Variants in SMC6 observed in about 807,000 individuals in gnomAD.
SMC6 encodes the protein structural maintenance of chromosomes protein 6.
SMC6 carries 79 observed loss-of-function variants against 142.2 expected under a neutral mutation model. That is an observed-to-expected ratio of 0.56 (90% confidence interval 0.46 to 0.67). SMC6 has a LOEUF of 0.67. Ranked by LOEUF, SMC6 falls within the 30% of genes least tolerant of loss-of-function variation. The probability of loss-of-function intolerance (pLI) is 0.00; values close to 1 mark genes in which losing one functional copy is unlikely to be tolerated. For synonymous variants in SMC6, 411 were observed against 412.4 expected (o/e 1.00, Z 0.04); for missense variants, 1,072 against 1,284.0 (o/e 0.83, Z 2.52).
chr2:17,710,415 T>C (rs1399447154), intron 16 of SMC6, among the ~76,000 whole-genome samples: 3 of 152,230 alleles, frequency 2.0e-5, no homozygotes, highest in African/African-American at 7.2e-5. Flanking sequence ...GTATATTATA[T>C]TATAGAGTTC....
chr2:17,666,586 TGGGC>T, intron 26 of SMC6, 69 bp from the exon 27 acceptor site: 1 of 1,143,020 alleles, frequency 8.7e-7, no homozygotes, highest in Non-Finnish European at 1.3e-6. Context: ...CAGCATTCTG[TGGGC>T]TGATACAAGC....
Position 17,745,960 on chromosome 2 carries a change from ATATT to A in SMC6, c.-5-13_-5-10del. 6.3e-7 allele frequency: 1 copy of A among 1,584,452 alleles called. No individual in the cohort carries two copies. ...TCTTTTGGCCATCAGGTCTGAACAA[ATATT>A]TATAGTAACAATGAGGTAAATCAAG... On this transcript the variant is annotated splice_polypyrimidine_tract_variant and intron_variant, in intron 2 of 27. Transcript: ENST00000448223.
intron 3 of SMC6, among the ~76,000 whole-genome samples, chr2:17,742,530 T>C (rs1670523771): frequency 1.3e-5 from 2 of 152,178 alleles, no homozygotes; most frequent in Admixed American, 1.3e-4. Flanking sequence ...CACTTTGTAG[T>C]TATCTAAGTA....
intron 7 of SMC6, 138 bp downstream of exon 7, chr2:17,730,940 T>C (rs1572343244): frequency 7.3e-6 from 5 of 685,782 alleles, no homozygotes; most frequent in Admixed American, 5.6e-5. Context: ...AACAACTTCA[T>C]TGATAATAGT....
chr2:17,748,247 C>G (rs927774430), intron 2 of SMC6, among the ~76,000 whole-genome samples: 4 of 152,168 alleles, frequency 2.6e-5, no homozygotes, highest in African/African-American at 9.7e-5. Flanking sequence ...CAGGCCCCAC[C>G]CTAGAGCAAG....
rs1558351548 is a variant in SMC6 at position 17,708,837 on chromosome 2, A to ATATAT, written c.1731-85_1731-84insATATA. 794 of 307,888 alleles carry ATATAT rather than the reference A, an allele frequency of 2.6e-3. 4 individuals carry two copies. The highest frequency in any genetic ancestry group is 0.018 in the African/African-American group (688 of 38,214). 19.1% of individuals were successfully genotyped at this position (307,888 alleles called of 1,614,324 possible). A position where few individuals can be genotyped will look rare whatever the true frequency, so the allele number is the denominator to read the frequency against. On this transcript the variant is annotated intron_variant, in intron 16 of 27. Coordinates refer to ENST00000448223, the MANE Select transcript of SMC6 (RefSeq NM_001142286.2). ...TATGAAAATTGTGTATATATATATA[A>ATATAT]GAGTATATATATTTCCATATATATT...
At chr2:17,722,367 C>T (rs949844066) in intron 9 of SMC6, among the ~76,000 whole-genome samples, 1 of 152,152 alleles carries the variant, frequency 6.6e-6, no homozygotes, top group African/African-American at 2.4e-5. Flanking sequence ...GGTCTAAATC[C>T]ACTGATTTTC....
intron 7 of SMC6, among the ~76,000 whole-genome samples, chr2:17,727,183 T>A (rs1669669113): frequency 1.3e-5 from 2 of 152,268 alleles, no homozygotes; most frequent in South Asian, 4.1e-4. Flanking sequence ...CTGGGTGTGT[T>A]CCCGAGGGTA....
Position 17,671,603 on chromosome 2 carries a change from C to T in SMC6, c.2911-1028G>A, listed in dbSNP as rs1242587743. 2.2e-4 allele frequency among the ~76,000 whole-genome samples: 17 copies of T among 76,890 alleles called. No individual in the cohort carries two copies. The South Asian group carries it at 4.4e-3, about 20-fold the overall frequency. 50.4% of individuals were successfully genotyped at this position (76,890 alleles called of 152,430 possible). ...CAGCCTGGTCGACAGAGCGAGACCC[C>T]GTCTCAAAAAAAAAAAAAAAAAAAA... On this transcript the variant is annotated intron_variant, in intron 25 of 27. Coordinates refer to ENST00000448223, the MANE Select transcript of SMC6 (RefSeq NM_001142286.2).
chr2:17,726,237 A>T (rs1669618076), intron 8 of SMC6, 152 bp downstream of exon 8: 2 of 479,402 alleles, frequency 4.2e-6, no homozygotes, highest in East Asian at 3.3e-5. Context: ...CTTACTTAAC[A>T]ATTTCCTAAT....
chr2:17,746,732 T>C (rs1046051057), intron 2 of SMC6, among the ~76,000 whole-genome samples: 2 of 152,234 alleles, frequency 1.3e-5, no homozygotes, highest in South Asian at 2.1e-4. Context: ...TGATAGTTTA[T>C]GATTAAAATT....
intron 25 of SMC6, among the ~76,000 whole-genome samples, chr2:17,674,665 T>C (rs1438723302): frequency 6.6e-6 from 1 of 152,200 alleles, no homozygotes; most frequent in Non-Finnish European, 1.5e-5. Context: ...TCAATTCTTT[T>C]ACTTTGCCTT....
At chr2:17,710,534 C>G (rs1185495501) in intron 16 of SMC6, among the ~76,000 whole-genome samples, 1 of 152,052 alleles carries the variant, frequency 6.6e-6, no homozygotes, top group African/African-American at 2.4e-5. Context: ...AAGAAGAGTT[C>G]TGGAGCACTG....
intron 23 of SMC6, among the ~76,000 whole-genome samples, chr2:17,687,159 C>G (rs964494109): frequency 6.6e-6 from 1 of 152,196 alleles, no homozygotes; most frequent in African/African-American, 2.4e-5. Context: ...AACAAAACCA[C>G]TTACACATTT....
At chr2:17,678,577 G>C (rs973156433) in intron 25 of SMC6, among the ~76,000 whole-genome samples, 1 of 150,066 alleles carries the variant, frequency 6.7e-6, no homozygotes. Context: ...AGACCAGCTT[G>C]GGCAACATAG....
chr2:17,697,762 TAC>T (rs1237059104), intron 21 of SMC6, among the ~76,000 whole-genome samples: 1 of 152,074 alleles, frequency 6.6e-6, no homozygotes, highest in Non-Finnish European at 1.5e-5. Context: ...CATTAAATGG[TAC>T]AGTCACTTTG....
chr2:17,703,779 T>C (rs1014854429), intron 18 of SMC6, among the ~76,000 whole-genome samples: 1 of 152,152 alleles, frequency 6.6e-6, no homozygotes, highest in African/African-American at 2.4e-5. Flanking sequence ...TATGACATAC[T>C]GTATGGTATC....
At chr2:17,713,695 C>G (rs1304520640) in intron 16 of SMC6, 1 of 316,936 alleles carries the variant, frequency 3.2e-6, no homozygotes, top group Non-Finnish European at 6.6e-6. Flanking sequence ...CTCTTGCATT[C>G]AATTAACAAA....
rs1194622355 is a variant in SMC6 at position 17,739,308 on chromosome 2, AGCCT to A, written c.239-986_239-983del. Among the ~76,000 whole-genome samples, 4 of 152,106 alleles carry A rather than the reference AGCCT, an allele frequency of 2.6e-5. 1 individual carries two copies. Among genetic ancestry groups the A allele is most frequent in the Non-Finnish European group, 5.9e-5 (4 of 68,016 alleles). On this transcript the variant is annotated intron_variant, in intron 4 of 27. Coordinates refer to ENST00000448223, the MANE Select transcript of SMC6 (RefSeq NM_001142286.2). ...AGGCTCATCTGAGACCAGAGAGACC[AGCCT>A]GAGCAACAGAGAAACACCTGGTCAC...
Sources: allele counts gnomAD v4.1 joint callset (sites outside exome capture counted in the v4.1 genomes callset), GRCh38; gene constraint gnomAD v4.1.1; transcripts MANE v1.5; gene names NCBI Gene and HGNC (gene_info 2026-07-23, HGNC 2026-07-21).